The following TMLHE variants were observed in gnomAD, a reference collection of about 807,000 sequenced individuals.
The protein encoded by TMLHE is trimethyllysine dioxygenase, mitochondrial.
A neutral mutation model predicts 25.7 loss-of-function variants in TMLHE; 18 were observed. That is an observed-to-expected ratio of 0.70 (90% CI 0.48 to 1.04). TMLHE has a LOEUF of 1.04. TMLHE is among the 50% of genes least tolerant of loss of function. TMLHE has a pLI of 0.00. For synonymous variants in TMLHE, 105 were observed against 97.0 expected, an observed-to-expected ratio of 1.08 and a Z score of -0.49; for missense variants, 236 against 259.0, an observed-to-expected ratio of 0.91 and a Z score of 0.61.
In TMLHE at chrX:155,526,103, G is replaced by C. The variant is rs2067217883; in HGVS notation, c.182-1471C>G. Among the ~76,000 whole-genome samples, 5 of 109,799 alleles carry C rather than the reference G, an allele frequency of 4.6e-5. No homozygotes were observed. The South Asian group carries it at 1.9e-3, about 41-fold the overall frequency. On this transcript the variant is annotated intron_variant, in intron 2 of 7. Coordinates refer to ENST00000334398, the MANE Select transcript of TMLHE (RefSeq NM_018196.4). ...GCCAAATGTTAATATCCAAGACAATGGGGGGGAAATGTCTCCAGGGCATGT... is the reference window on the plus strand; with the variant it reads ...GCCAAATGTTAATATCCAAGACAATCGGGGGGAAATGTCTCCAGGGCATGT...
Position 155,568,685 on chromosome X carries a change from G to C in TMLHE, c.-1-23408C>G, listed in dbSNP as rs1455558040. ...CAGCATTCGCGGTTCATGAAAATCC[G>C]CTGTTCTGCAGACACCGCTGCTGAT... is the stretch of plus-strand genomic sequence containing the variant. On this transcript the variant is annotated intron_variant, in intron 1 of 7. Transcript: ENST00000334398. Among the ~76,000 whole-genome samples, 4 of 61,464 alleles carry C rather than the reference G, an allele frequency of 6.5e-5. 1 individual carries two copies. In the Admixed American group the frequency reaches 7.6e-4, roughly 12 times the overall value. The allele number at this position is 61,464 out of a possible 115,157, so 53.4% of individuals were successfully genotyped here. A position where few individuals can be genotyped will look rare whatever the true frequency, so the allele number is the denominator to read the frequency against.
intron 1 of TMLHE, among the ~76,000 whole-genome samples, chrX:155,610,058 G>A (rs1026405213): frequency 1.3e-4 from 15 of 111,856 alleles, no homozygotes; most frequent in African/African-American, 4.6e-4. Flanking sequence ...AATTGAAAAC[G>A]AATGTCCACC....
At chrX:155,583,573 G>A (rs1261132245) in intron 1 of TMLHE, among the ~76,000 whole-genome samples, 6 of 110,215 alleles carry the variant, frequency 5.4e-5, no homozygotes, top group Admixed American at 3.9e-4. Flanking sequence ...CTGAATGTCC[G>A]TTAATGGATG....
chrX:155,542,097 C>T (rs897329726), intron 2 of TMLHE, among the ~76,000 whole-genome samples: 3 of 111,106 alleles, frequency 2.7e-5, no homozygotes, highest in African/African-American at 9.8e-5. Flanking sequence ...GCTTTTGGTG[C>T]TTTAGTCATG....
chrX:155,584,856 A>T (rs896950595), intron 1 of TMLHE, among the ~76,000 whole-genome samples: 5 of 111,545 alleles, frequency 4.5e-5, no homozygotes, highest in Non-Finnish European at 7.5e-5. Context: ...AATTTTCACC[A>T]CTAGATGAGT....
chrX:155,546,532 A>C (rs2067346201), intron 1 of TMLHE, among the ~76,000 whole-genome samples: 2 of 110,827 alleles, frequency 1.8e-5, no homozygotes, highest in Admixed American at 1.9e-4. Flanking sequence ...GTGTGCGCGC[A>C]TGCGTATGTG....
intron 1 of TMLHE, among the ~76,000 whole-genome samples, chrX:155,547,211 C>A (rs1243940878): frequency 1.1e-5 from 1 of 92,349 alleles, no homozygotes; most frequent in East Asian, 3.5e-4. Flanking sequence ...GTGGCGCTAT[C>A]TCGGCTCACT....
At chrX:155,527,744 G>T (rs1173046241) in intron 2 of TMLHE, among the ~76,000 whole-genome samples, 1 of 111,783 alleles carries the variant, frequency 8.9e-6, no homozygotes, top group Non-Finnish European at 1.9e-5. Context: ...AATTAAAACT[G>T]TAAAACATTA....
In TMLHE at chrX:155,562,389, C is replaced by G. The variant is rs781954122; in HGVS notation, c.-1-17112G>C. 3.8e-5 allele frequency among the ~76,000 whole-genome samples: 2 copies of G among 52,484 alleles called. 1 individual carries two copies. The highest frequency in any genetic ancestry group is 9.0e-5 in the African/African-American group (2 of 22,238). The allele number at this position is 52,484 out of a possible 115,157, so 45.6% of individuals were successfully genotyped here. On this transcript the variant is annotated intron_variant, in intron 1 of 7. Transcript: ENST00000334398. ...GAGCAGGGAGGCCCTGGGCCTGGCC[C>G]ATGAAACCTTTTTTTTTTCTCCTAG...
At chrX:155,545,388 A>C in intron 1 of TMLHE, 111 bp from the exon 2 acceptor site, 1 of 601,422 alleles carries the variant, frequency 1.7e-6, no homozygotes, top group Non-Finnish European at 2.4e-6. Context: ...AATGATCTCA[A>C]TACAGAGGAT....
At chrX:155,524,416 A>G in intron 3 of TMLHE, 40 bp downstream of exon 3, 1 of 1,033,098 alleles carries the variant, frequency 9.7e-7, no homozygotes, top group Non-Finnish European at 1.3e-6. Flanking sequence ...GTCCTTCAGA[A>G]GAGTACCCCC....
chrX:155,595,646 C>T (rs188599093), intron 1 of TMLHE, among the ~76,000 whole-genome samples: 1 of 112,190 alleles, frequency 8.9e-6, no homozygotes, highest in South Asian at 3.7e-4. Flanking sequence ...TGCAGCTATG[C>T]CAGCAGGCAC....
chrX:155,600,072 G>C (rs2067747157), intron 1 of TMLHE, among the ~76,000 whole-genome samples: 1 of 111,746 alleles, frequency 8.9e-6, no homozygotes, highest in South Asian at 3.7e-4. Context: ...TATAAACATG[G>C]TATTTTTGCA....
chrX:155,548,535 G>GCCTGGCCTGGTCTGGAGTTCAAGA (rs1254077024), intron 1 of TMLHE, among the ~76,000 whole-genome samples: 1 of 109,143 alleles, frequency 9.2e-6, no homozygotes, highest in Non-Finnish European at 1.9e-5. Context: ...GCAGTATGAG[G>GCCTGGCCTGGTCTGGAGTTCAAGA]CCAGCCTGAC....
At chrX:155,547,937 A>G (rs1180691341) in intron 1 of TMLHE, among the ~76,000 whole-genome samples, 4 of 111,342 alleles carry the variant, frequency 3.6e-5, no homozygotes, top group Non-Finnish European at 5.7e-5. Context: ...TAAACCATAA[A>G]GAATGGTAGA....
Position 155,511,719 on chromosome X carries a change from C to A in TMLHE, c.712G>T (p.Ala238Ser). Reference sequence around the variant, plus strand: ...GTAGTGTCAGTGTGCCGATCCAGAGCTAGCTTGGTGTACGCAGTGTCACCT... The same window carrying A: ...GTAGTGTCAGTGTGCCGATCCAGAGATAGCTTGGTGTACGCAGTGTCACCT... Reference protein sequence around the residue: ...SRGDTAYTKLALDRHTDTTYF... With the variant: ...SRGDTAYTKLSLDRHTDTTYF... The change falls in exon 5 of 8, where the codon GCT becomes TCT. Residue 238 changes from alanine to serine, a missense_variant. Physicochemically the swap from Ala to Ser is moderately conservative, Grantham distance 99 (BLOSUM62 1). This residue lies in a region of TMLHE where 217 missense variants were observed against 214.6 expected (regional missense o/e 1.01). Coordinates refer to ENST00000334398, the MANE Select transcript of TMLHE (RefSeq NM_018196.4). The A allele has an allele frequency of 8.3e-7, 1 of 1,204,273 alleles. No individual in the cohort carries two copies. The highest frequency in any genetic ancestry group is 1.1e-6 in the Non-Finnish European group (1 of 890,484).
intron 1 of TMLHE, among the ~76,000 whole-genome samples, chrX:155,580,050 G>C (rs782588426): frequency 3.6e-5 from 4 of 111,171 alleles, no homozygotes; most frequent in African/African-American, 9.8e-5. Context: ...GAGAATGGGA[G>C]AAAAATATTT....
intron 2 of TMLHE, among the ~76,000 whole-genome samples, chrX:155,538,206 T>C (rs988018690): frequency 9.0e-6 from 1 of 111,708 alleles, no homozygotes. Context: ...ATTCCACGTA[T>C]GAGTGAGATA....
chrX:155,548,625 CTCA>C (rs1171753127), intron 1 of TMLHE, among the ~76,000 whole-genome samples: 1 of 108,498 alleles, frequency 9.2e-6, no homozygotes, highest in African/African-American at 3.4e-5. Flanking sequence ...TTCCCAGCTA[CTCA>C]GGAGGCTGAG....
Sources: gnomAD v4.1 joint callset for allele counts (sites outside exome capture counted in the v4.1 genomes callset) on GRCh38, gnomAD v4.1.1 for gene constraint, gnomAD v4.1.1 regional missense constraint, MANE v1.5 for transcripts, NCBI Gene and HGNC (gene_info 2026-07-23, HGNC 2026-07-21) for gene names.